PKN2: variants seen among roughly 807,000 people sequenced by gnomAD.
PKN2 encodes the protein protein kinase N2.
In PKN2, 38 loss-of-function variants were observed where a neutral mutation model predicts 119.1. The ratio of observed to expected loss-of-function variants is 0.32; its 90% CI spans 0.25 to 0.42. PKN2 has a LOEUF of 0.42. Among genes scored for constraint, PKN2 ranks in the 10% least tolerant of loss-of-function variants. The pLI is 1.00. For missense variants in PKN2, 850 were observed against 1,165.1 expected, an observed-to-expected ratio of 0.73 and a Z score of 3.94; for synonymous variants, 390 against 384.9, an observed-to-expected ratio of 1.01 and a Z score of -0.15.
intron 2 of PKN2, among the ~76,000 whole-genome samples, chr1:88,754,257 G>A (rs1237929814): frequency 2.7e-5 from 4 of 150,566 alleles, no homozygotes; most frequent in African/African-American, 4.9e-5. Flanking sequence ...TTTTTATGTC[G>A]CATTTTTCCT....
At chr1:88,744,427 T>C (rs1384884134) in intron 2 of PKN2, among the ~76,000 whole-genome samples, 2 of 152,268 alleles carry the variant, frequency 1.3e-5, no homozygotes, top group South Asian at 4.1e-4. Context: ...CTTCTGTTTT[T>C]TTCTTTGTTT....
chr1:88,758,192 G>A (rs1287511830), intron 2 of PKN2, among the ~76,000 whole-genome samples: 1 of 151,602 alleles, frequency 6.6e-6, no homozygotes, highest in African/African-American at 2.4e-5. Context: ...TGCAGGCATT[G>A]ATTTATAAAT....
At chr1:88,714,059 T>C (rs2100691490) in intron 1 of PKN2, among the ~76,000 whole-genome samples, 1 of 152,344 alleles carries the variant, frequency 6.6e-6, no homozygotes, top group Non-Finnish European at 1.5e-5. Flanking sequence ...CATTTCTTGT[T>C]TCTGTCTGGT....
At chr1:88,769,765 A>G (rs1350295472) in intron 3 of PKN2, among the ~76,000 whole-genome samples, 1 of 152,202 alleles carries the variant, frequency 6.6e-6, no homozygotes, top group Non-Finnish European at 1.5e-5. Context: ...AAAAAGCTGA[A>G]TAAATAGAAA....
At chr1:88,763,067 A>T (rs1557594627) in intron 3 of PKN2, among the ~76,000 whole-genome samples, 1 of 152,206 alleles carries the variant, frequency 6.6e-6, no homozygotes, top group Non-Finnish European at 1.5e-5. Flanking sequence ...CCAGAAAGAC[A>T]TTCATTTTGT....
chr1:88,833,717 CT>C lies in PKN2; in HGVS notation c.*273del. On this transcript the variant is annotated 3_prime_UTR_variant, in exon 22 of 22. Coordinates refer to ENST00000370521, the MANE Select transcript of PKN2 (RefSeq NM_006256.4). ...CGGCCATGAAAATCCATCACGAATA[CT>C]TTTGGATCAATAGTCTATTTTTAAA... The C allele has an allele frequency of 2.8e-6, 1 of 356,684 alleles. No individual in the cohort carries two copies. Among genetic ancestry groups the C allele is most frequent in the Middle Eastern group, 7.7e-4 (1 of 1,304 alleles). The allele number at this position is 356,684 out of a possible 1,614,324, so 22.1% of individuals were successfully genotyped here.
chr1:88,792,780 C>G (rs560458159), intron 8 of PKN2, among the ~76,000 whole-genome samples: 4 of 152,156 alleles, frequency 2.6e-5, no homozygotes, highest in Non-Finnish European at 2.9e-5. Context: ...CTGCAAACCT[C>G]AATATATAGG....
At chr1:88,747,198 C>A (rs909664485) in intron 2 of PKN2, among the ~76,000 whole-genome samples, 4 of 152,016 alleles carry the variant, frequency 2.6e-5, no homozygotes, top group African/African-American at 9.7e-5. Context: ...ATCTATTACA[C>A]AGCATGGTGA....
At chr1:88,717,068 G>T (rs1280333395) in intron 1 of PKN2, among the ~76,000 whole-genome samples, 5 of 151,978 alleles carry the variant, frequency 3.3e-5, no homozygotes, top group Non-Finnish European at 5.9e-5. Flanking sequence ...TAGTTTGGCT[G>T]GATATGAAAT....
At chr1:88,811,377 A>G (rs1671778216) in intron 15 of PKN2, among the ~76,000 whole-genome samples, 2 of 152,228 alleles carry the variant, frequency 1.3e-5, no homozygotes, top group Admixed American at 6.5e-5. Flanking sequence ...TCAGGTTTCT[A>G]ACTTATCTGA....
chr1:88,826,276 A>T (rs1432958316), intron 18 of PKN2, among the ~76,000 whole-genome samples: 1 of 152,230 alleles, frequency 6.6e-6, no homozygotes, highest in Non-Finnish European at 1.5e-5. Flanking sequence ...TTATTAATGC[A>T]TTATCATAAA....
At chr1:88,831,950 T>C (rs1461067086) in intron 19 of PKN2, among the ~76,000 whole-genome samples, 2 of 151,456 alleles carry the variant, frequency 1.3e-5, no homozygotes, top group Non-Finnish European at 1.5e-5. Context: ...AGTTTCTCTC[T>C]TTGTGAATCA....
intron 8 of PKN2, among the ~76,000 whole-genome samples, chr1:88,802,433 C>G (rs776413337): frequency 1.3e-5 from 2 of 151,614 alleles, no homozygotes; most frequent in Non-Finnish European, 2.9e-5. Context: ...TTAAGTGATT[C>G]TCATGCCTTA....
chr1:88,790,338 A>T (rs1670768713), intron 8 of PKN2, among the ~76,000 whole-genome samples: 1 of 152,220 alleles, frequency 6.6e-6, no homozygotes, highest in African/African-American at 2.4e-5. Context: ...GTCTGAAAAT[A>T]TGTATATTCT....
At chr1:88,733,412 T>C (rs1339625686) in intron 1 of PKN2, among the ~76,000 whole-genome samples, 1 of 152,232 alleles carries the variant, frequency 6.6e-6, no homozygotes, top group Non-Finnish European at 1.5e-5. Flanking sequence ...ATTATAGTTT[T>C]GACTTGCATT....
chr1:88,765,126 G>A (rs564408996), intron 3 of PKN2, among the ~76,000 whole-genome samples: 11 of 151,836 alleles, frequency 7.2e-5, no homozygotes, highest in East Asian at 3.9e-4. Context: ...ATGGGGTTTC[G>A]CCATGTTGGC....
At chr1:88,725,218 C>T (rs555240980) in intron 1 of PKN2, among the ~76,000 whole-genome samples, 4 of 152,112 alleles carry the variant, frequency 2.6e-5, no homozygotes, top group African/African-American at 9.6e-5. Context: ...GTTTTCCTTT[C>T]TTTAGGGTAA....
chr1:88,742,095 G>A (rs1274894872), intron 2 of PKN2, among the ~76,000 whole-genome samples: 1 of 151,864 alleles, frequency 6.6e-6, no homozygotes, highest in African/African-American at 2.4e-5. Flanking sequence ...AAAAACTTAC[G>A]TTTAAGTTTA....
intron 6 of PKN2, among the ~76,000 whole-genome samples, chr1:88,774,609 G>A (rs1244537921): frequency 1.3e-5 from 2 of 151,194 alleles, no homozygotes; most frequent in Non-Finnish European, 3.0e-5. Context: ...GCTTATTTCT[G>A]TCATTTTGCG....
Sources: allele counts gnomAD v4.1 joint callset (sites outside exome capture counted in the v4.1 genomes callset), GRCh38; gene constraint gnomAD v4.1.1; transcripts MANE v1.5; gene names NCBI Gene and HGNC (gene_info 2026-07-23, HGNC 2026-07-21).